RALGPS1: variants seen among roughly 807,000 people sequenced by gnomAD.
RALGPS1 encodes ras-specific guanine nucleotide-releasing factor RalGPS1.
A neutral mutation model predicts 78.8 loss-of-function variants in RALGPS1; 19 were observed. That is an observed-to-expected ratio of 0.24 (90% CI 0.17 to 0.35). The LOEUF is 0.35. Among genes scored for constraint, RALGPS1 ranks in the 10% least tolerant of loss-of-function variants. RALGPS1 has a pLI of 1.00. For missense variants in RALGPS1, 454 were observed against 688.3 expected (o/e 0.66, Z 3.81); for synonymous variants, 228 against 256.3 (o/e 0.89, Z 1.06).
At chr9:127,093,943 G>A in intron 8 of RALGPS1, 1 of 1,611,754 alleles carries the variant, frequency 6.2e-7, no homozygotes, top group Non-Finnish European at 8.5e-7. Flanking sequence ...ACACAGACAT[G>A]CATATACATC....
At chr9:127,198,876 G>C (rs2061473828) in intron 13 of RALGPS1, 139 bp from the exon 14 acceptor site, 1 of 769,030 alleles carries the variant, frequency 1.3e-6, no homozygotes. Context: ...AAAAACTCGA[G>C]TACGTTGAGG....
At chr9:127,031,025 C>T (rs1172330172) in intron 4 of RALGPS1, among the ~76,000 whole-genome samples, 2 of 152,176 alleles carry the variant, frequency 1.3e-5, no homozygotes, top group Non-Finnish European at 2.9e-5. Flanking sequence ...GGGCCAGGGA[C>T]CGTCTGGGCA....
At chr9:127,036,358 G>A (rs1389841133) in intron 5 of RALGPS1, among the ~76,000 whole-genome samples, 1 of 152,202 alleles carries the variant, frequency 6.6e-6, no homozygotes, top group Non-Finnish European at 1.5e-5. Flanking sequence ...TTATGTGTGA[G>A]AACAAGACTC....
intron 14 of RALGPS1, among the ~76,000 whole-genome samples, chr9:127,201,677 T>A (rs1342609429): frequency 2.0e-5 from 3 of 152,132 alleles, no homozygotes; most frequent in Non-Finnish European, 4.4e-5. Flanking sequence ...ATTCCTGACC[T>A]TCATGGGCCC....
intron 1 of RALGPS1, among the ~76,000 whole-genome samples, chr9:126,952,445 T>G (rs1030192471): frequency 6.6e-6 from 1 of 152,130 alleles, no homozygotes; most frequent in Admixed American, 6.6e-5. Flanking sequence ...ATGCTGCTAC[T>G]TGCCAGGAAA....
chr9:127,143,479 A>G (rs946422498), intron 8 of RALGPS1, among the ~76,000 whole-genome samples: 3 of 152,132 alleles, frequency 2.0e-5, no homozygotes, highest in East Asian at 1.9e-4. Context: ...CTTTTTCTCC[A>G]TAGCCCCGTG....
At chr9:127,136,136 G>T (rs1457975844) in intron 8 of RALGPS1, among the ~76,000 whole-genome samples, 1 of 152,296 alleles carries the variant, frequency 6.6e-6, no homozygotes, top group East Asian at 1.9e-4. Context: ...GTGAGTCTGT[G>T]GTCTGGCCAC....
rs1322858486 is a variant in RALGPS1 at position 127,205,431 on chromosome 9, A to G, written c.1247+6365A>G. On this transcript the variant is annotated intron_variant, in intron 14 of 18. Transcript: ENST00000259351. The surrounding 1 kb of genome is among the most constrained non-coding windows in gnomAD (Gnocchi z 4.0). Reference sequence around the variant, plus strand: ...TCTGGCAGTTGAGGCTCCAGCCAGCAGACTGAGAGAAGTCTGCAGAGAGAA... The same window carrying G: ...TCTGGCAGTTGAGGCTCCAGCCAGCGGACTGAGAGAAGTCTGCAGAGAGAA... Among the ~76,000 whole-genome samples the G allele has an allele frequency of 6.6e-6, 1 of 152,252 alleles. No individual in the cohort carries two copies. The highest frequency in any genetic ancestry group is 2.4e-5 in the African/African-American group (1 of 41,468).
At chr9:126,972,322 T>C (rs1001004552) in intron 3 of RALGPS1, among the ~76,000 whole-genome samples, 53 of 152,168 alleles carry the variant, frequency 3.5e-4, no homozygotes, top group African/African-American at 1.1e-3. Context: ...CTGGTAAATA[T>C]GAGGAAAGAA....
chr9:126,916,852 CA>C (rs1477997205), intron 1 of RALGPS1, among the ~76,000 whole-genome samples: 1 of 152,186 alleles, frequency 6.6e-6, no homozygotes, highest in Non-Finnish European at 1.5e-5. Flanking sequence ...TGTGTACCCA[CA>C]GGGGCGGGGA....
At position 127,055,821 on chromosome 9, in the gene RALGPS1, G is replaced by A. The variant is rs80235878; in HGVS notation, c.483+2882G>A. ...TTTTGTTTTCCCTTTTGTAACATAA[G>A]TATTGCATTAGGAACTTGAAAATAA... On this transcript the variant is annotated intron_variant, in intron 7 of 18. Transcript: ENST00000259351. Among the ~76,000 whole-genome samples, 109 of 152,304 alleles carry A rather than the reference G, an allele frequency of 7.2e-4. 1 individual carries two copies. Among genetic ancestry groups the A allele is most frequent in the Middle Eastern group, 6.8e-3 (2 of 294 alleles).
At chr9:127,166,473 G>A (rs2059296154) in intron 9 of RALGPS1, among the ~76,000 whole-genome samples, 1 of 152,156 alleles carries the variant, frequency 6.6e-6, no homozygotes, top group Non-Finnish European at 1.5e-5. Flanking sequence ...TCTAGTGAGT[G>A]GCAGAGCTCA....
At chr9:126,936,533 A>G (rs559216196) in intron 1 of RALGPS1, among the ~76,000 whole-genome samples, 1 of 148,884 alleles carries the variant, frequency 6.7e-6, no homozygotes, top group African/African-American at 2.5e-5. Flanking sequence ...TTTATTTATT[A>G]TTTTTTTTTT....
chr9:127,086,871 G>A (rs2051812347), intron 8 of RALGPS1, among the ~76,000 whole-genome samples: 1 of 152,184 alleles, frequency 6.6e-6, no homozygotes, highest in Non-Finnish European at 1.5e-5. Context: ...CTCCTGGTCT[G>A]GAGCCTGGTG....
intron 10 of RALGPS1, 43 bp from the exon 11 acceptor site, chr9:127,174,672 T>C: frequency 6.3e-7 from 1 of 1,590,218 alleles, no homozygotes. Flanking sequence ...TCCTGTGTGG[T>C]AAACCAGAGC....
chr9:126,988,551 T>C (rs1341126802), intron 4 of RALGPS1, among the ~76,000 whole-genome samples: 1 of 152,170 alleles, frequency 6.6e-6, no homozygotes, highest in Non-Finnish European at 1.5e-5. Flanking sequence ...GGACTGCAGG[T>C]GTATGCCACC....
chr9:127,198,536 G>C (rs1245634317), intron 13 of RALGPS1, among the ~76,000 whole-genome samples: 1 of 152,190 alleles, frequency 6.6e-6, no homozygotes, highest in African/African-American at 2.4e-5. Flanking sequence ...CACTGGCCAG[G>C]GGTCTGCAGG....
intron 17 of RALGPS1, chr9:127,213,826 G>A (rs2062422512): frequency 6.6e-6 from 1 of 152,240 alleles, no homozygotes; most frequent in Non-Finnish European, 1.5e-5. Context: ...CAGATCTGGG[G>A]GTAGAGACCA....
intron 8 of RALGPS1, among the ~76,000 whole-genome samples, chr9:127,133,874 C>G (rs947533645): frequency 6.6e-6 from 1 of 151,996 alleles, no homozygotes; most frequent in African/African-American, 2.4e-5. Context: ...TCTTTGGGCC[C>G]CCAGCACCCA....
Sources: allele counts gnomAD v4.1 joint callset (sites outside exome capture counted in the v4.1 genomes callset), GRCh38; gene constraint gnomAD v4.1.1; non-coding constraint Gnocchi (gnomAD v3.1); transcripts MANE v1.5; gene names NCBI Gene and HGNC (gene_info 2026-07-23, HGNC 2026-07-21).